NOL4L: variants seen among roughly 807,000 people sequenced by gnomAD.
NOL4L encodes the protein nucleolar protein 4 like, also known as nucleolar protein 4-like.
Under a neutral mutation model 64.5 loss-of-function variants are expected in NOL4L, and 7 were observed. The ratio of observed to expected loss-of-function variants is 0.11; its 90% confidence interval spans 0.06 to 0.20. NOL4L has a LOEUF of 0.20. NOL4L is among the 10% of genes least tolerant of loss of function. The pLI is 1.00. For synonymous variants in NOL4L, 413 were observed against 401.0 expected (o/e 1.03, Z -0.36); for missense variants, 680 against 967.1 (o/e 0.70, Z 3.94).
At chr20:32,501,040 G>A (rs1332798333) in intron 4 of NOL4L, among the ~76,000 whole-genome samples, 1 of 152,204 alleles carries the variant, frequency 6.6e-6, no homozygotes, top group Non-Finnish European at 1.5e-5. Flanking sequence ...CTCTTCAGGT[G>A]TGGGCTGCAC....
At chr20:32,494,824 C>A (rs894608152) in intron 4 of NOL4L, among the ~76,000 whole-genome samples, 1 of 152,224 alleles carries the variant, frequency 6.6e-6, no homozygotes, top group African/African-American at 2.4e-5. Flanking sequence ...CCCAACATTG[C>A]AAATGGCACC....
chr20:32,584,133 G>GCACACACACACACACACACACA (rs745461984), intron 1 of NOL4L, among the ~76,000 whole-genome samples: 9 of 88,820 alleles, frequency 1.0e-4, no homozygotes, highest in African/African-American at 3.7e-4. Context: ...CTCCGCGCGC[G>GCACACACACACACACACACACA]CACACACACA....
chr20:32,532,534 T>C, intron 1 of NOL4L: 1 of 195,530 alleles, frequency 5.1e-6, no homozygotes, highest in Non-Finnish European at 9.3e-6. Flanking sequence ...GAGGCAGGCC[T>C]TCCCTAGCTA....
intron 1 of NOL4L, among the ~76,000 whole-genome samples, chr20:32,579,111 CAG>C (rs1980307201): frequency 6.6e-6 from 1 of 152,202 alleles, no homozygotes; most frequent in South Asian, 2.1e-4. Context: ...GGCAGACAGA[CAG>C]GGTGAGTCCA....
Position 32,500,535 on chromosome 20 carries a change from TTTC to T in NOL4L, c.699+10809_699+10811del, listed in dbSNP as rs1225606613. Among the ~76,000 whole-genome samples, 536 of 109,662 alleles carry T rather than the reference TTTC, an allele frequency of 4.9e-3. 4 individuals are homozygous for T. The highest frequency in any genetic ancestry group is 0.016 in the Middle Eastern group (4 of 248). The allele number at this position is 109,662 out of a possible 152,430, so 71.9% of individuals were successfully genotyped here. A position where few individuals can be genotyped will look rare whatever the true frequency, so the allele number is the denominator to read the frequency against. ...CGCCCAGCTAATTTTTTTGTATTTC[TTTC>T]TTTTTTTTTTTTTTTTTTACTAGAG... On this transcript the variant is annotated intron_variant, in intron 4 of 10. Transcript: ENST00000621426.
chr20:32,452,182 A>G, intron 10 of NOL4L, 54 bp downstream of exon 10: 1 of 1,459,804 alleles, frequency 6.9e-7, no homozygotes, highest in Non-Finnish European at 9.1e-7. Context: ...GCTGCTCTGC[A>G]GACCCAGCTG....
Position 32,527,965 on chromosome 20 carries a change from G to A in NOL4L, c.322-52C>T. ...AGTGTCAGGAATGATGGCGGGGTGA[G>A]AACTGGGCCCTGAGGCCGGGGCAAG... On this transcript the variant is annotated intron_variant, in intron 1 of 10. Transcript: ENST00000621426. The A allele has an allele frequency of 5.7e-6, 8 of 1,412,596 alleles. No homozygotes were observed. In the South Asian group the frequency reaches 1.0e-4, roughly 18 times the overall value. The allele number at this position is 1,412,596 out of a possible 1,614,324, so 87.5% of individuals were successfully genotyped here.
At chr20:32,539,636 C>T (rs923355185) in intron 1 of NOL4L, among the ~76,000 whole-genome samples, 1 of 152,178 alleles carries the variant, frequency 6.6e-6, no homozygotes, top group African/African-American at 2.4e-5. Flanking sequence ...CTGGCTTTTT[C>T]GTCTCTAGAT....
Position 32,447,747 on chromosome 20 carries a change from C to T in NOL4L, c.1892G>A (p.Ser631Asn). 1 of 1,476,580 alleles carries T rather than the reference C, an allele frequency of 6.8e-7. No individual in the cohort carries two copies. The highest frequency in any genetic ancestry group is 1.4e-5 in the African/African-American group (1 of 69,842). The allele number at this position is 1,476,580 out of a possible 1,614,324, so 91.5% of individuals were successfully genotyped here. Residue 631 changes from serine to asparagine, a missense_variant, in exon 11 of 11, where the codon AGC (serine) becomes AAC (asparagine). By Grantham distance (46) the Ser-to-Asn change is conservative (BLOSUM62 1). This residue lies in a region of NOL4L where 175 missense variants were observed against 227.0 expected (regional missense o/e 0.77). Coordinates refer to ENST00000621426, the MANE Select transcript of NOL4L (RefSeq NM_001256798.2). ...TSTTPTPTPS[S>N]TSTSRPVPTA... ...GGGCACGGGCCTGCTGGTGCTGGTGCTGGAGGGGGTGGGCGTGGGGGTGGT... is the reference window on the plus strand; with the variant it reads ...GGGCACGGGCCTGCTGGTGCTGGTGTTGGAGGGGGTGGGCGTGGGGGTGGT...
At chr20:32,474,768 A>C in intron 4 of NOL4L, 26 bp from the exon 5 acceptor site, 1 of 1,582,910 alleles carries the variant, frequency 6.3e-7, no homozygotes. Context: ...GAAGGTGGGC[A>C]TTCAGCAGGG....
At chr20:32,514,695 C>G (rs1484268945) in intron 3 of NOL4L, among the ~76,000 whole-genome samples, 1 of 152,002 alleles carries the variant, frequency 6.6e-6, no homozygotes, top group African/African-American at 2.4e-5. Flanking sequence ...GGTTTTAAAC[C>G]CTAGCCCCAT....
At chr20:32,470,068 C>A (rs1370207422) in intron 5 of NOL4L, among the ~76,000 whole-genome samples, 6 of 152,248 alleles carry the variant, frequency 3.9e-5, no homozygotes, top group Non-Finnish European at 8.8e-5. Flanking sequence ...GACTCTTGCT[C>A]AGCAATCCCC....
At chr20:32,487,943 T>TA (rs1600734873) in intron 4 of NOL4L, among the ~76,000 whole-genome samples, 6 of 151,956 alleles carry the variant, frequency 3.9e-5, no homozygotes, top group South Asian at 2.1e-4. Flanking sequence ...TATTTTTTTT[T>TA]TTTTTTGACC....
In NOL4L at chr20:32,471,044, T is replaced by C. The variant is rs529227998; in HGVS notation, c.841+3557A>G. Among the ~76,000 whole-genome samples the C allele has an allele frequency of 6.6e-5, 10 of 152,264 alleles. No individual in the cohort carries two copies. The East Asian group carries it at 1.9e-3, about 29-fold the overall frequency. ...CCCAGGACTTCAGAGTGTGGGGAAC[T>C]GGTGTAAAGAGGTCTGGGAGACCAA... On this transcript the variant is annotated intron_variant, in intron 5 of 10. Transcript: ENST00000621426.
At chr20:32,559,383 AGATATTTCTT>A (rs1264585671) in intron 1 of NOL4L, among the ~76,000 whole-genome samples, 1 of 152,138 alleles carries the variant, frequency 6.6e-6, no homozygotes, top group African/African-American at 2.4e-5. Flanking sequence ...GGTACTCAGC[AGATATTTCTT>A]GAATTGGATT....
chr20:32,472,252 T>C (rs995442232), intron 5 of NOL4L, among the ~76,000 whole-genome samples: 6 of 152,196 alleles, frequency 3.9e-5, no homozygotes, highest in African/African-American at 1.2e-4. Context: ...GTACCGACAA[T>C]GGGCCATGTT....
At chr20:32,540,645 T>A (rs560261784) in intron 1 of NOL4L, among the ~76,000 whole-genome samples, 2 of 152,210 alleles carry the variant, frequency 1.3e-5, no homozygotes, top group East Asian at 3.9e-4. Context: ...GAACAAATAA[T>A]TAGCTGCCCT....
At chr20:32,471,708 G>A (rs1229172930) in intron 5 of NOL4L, among the ~76,000 whole-genome samples, 2 of 152,100 alleles carry the variant, frequency 1.3e-5, no homozygotes, top group East Asian at 1.9e-4. Context: ...GAGGTGTCTG[G>A]GTCATGAGGG....
chr20:32,450,862 G>A (rs779597109), intron 10 of NOL4L, among the ~76,000 whole-genome samples: 2 of 152,174 alleles, frequency 1.3e-5, no homozygotes, highest in Non-Finnish European at 2.9e-5. Context: ...TGGCCACTCC[G>A]GCCTTAGCTT....
Sources: gnomAD v4.1 joint callset for allele counts (sites outside exome capture counted in the v4.1 genomes callset) on GRCh38, gnomAD v4.1.1 for gene constraint, gnomAD v4.1.1 regional missense constraint, MANE v1.5 for transcripts, NCBI Gene and HGNC (gene_info 2026-07-23, HGNC 2026-07-21) for gene names.